COL4A2: variants seen among roughly 807,000 people sequenced by gnomAD.
COL4A2 encodes the protein collagen type IV alpha 2 chain, also known as collagen alpha-2(IV) chain.
A neutral mutation model predicts 200.2 loss-of-function variants in COL4A2; 99 were observed. The observed-to-expected ratio is 0.49, with a 90% CI of 0.42 to 0.58. COL4A2 has a LOEUF of 0.58. Among genes scored for constraint, COL4A2 ranks in the 20% least tolerant of loss-of-function variants. COL4A2 has a pLI of 0.00. For synonymous variants in COL4A2, 897 were observed against 900.6 expected, an observed-to-expected ratio of 1.00 and a Z score of 0.07; for missense variants, 1,950 against 2,314.1, an observed-to-expected ratio of 0.84 and a Z score of 3.23.
chr13:110,365,195 G>T (rs886914953), intron 4 of COL4A2, among the ~76,000 whole-genome samples: 3 of 151,782 alleles, frequency 2.0e-5, no homozygotes, highest in Non-Finnish European at 4.4e-5. Context: ...GGGCTGGACC[G>T]CAGTGGCGCC....
At chr13:110,429,061 C>T (rs118068839) in intron 7 of COL4A2, 2,722 of 152,874 alleles carry the variant, frequency 0.018, 40 homozygotes, top group Non-Finnish European at 0.025. Flanking sequence ...GGTAAAACAT[C>T]CTGAAATGTG....
Position 110,508,724 on chromosome 13 carries a change from C to T in COL4A2, c.4881+503C>T, listed in dbSNP as rs558225004. ...GTATAAAATAGAGAGCCTGTGGATA[C>T]TTTGAAAGCCAGGAGAAGGTGCACA... On this transcript the variant is annotated intron_variant, in intron 47 of 47. Transcript: ENST00000360467. The surrounding 1 kb of genome is among the most constrained non-coding windows in gnomAD (Gnocchi z 6.1). Among the ~76,000 whole-genome samples the T allele has an allele frequency of 5.0e-4, 76 of 152,274 alleles. No homozygotes were observed. The highest frequency in any genetic ancestry group is 1.8e-3 in the African/African-American group (74 of 41,540).
intron 17 of COL4A2, among the ~76,000 whole-genome samples, chr13:110,446,299 A>T (rs1198235946): frequency 6.6e-6 from 1 of 152,094 alleles, no homozygotes; most frequent in South Asian, 2.1e-4. Flanking sequence ...AGGGGAACGC[A>T]CCCGTGGGGA....
intron 22 of COL4A2, among the ~76,000 whole-genome samples, chr13:110,461,831 G>A (rs1291514705): frequency 2.0e-5 from 3 of 152,158 alleles, no homozygotes; most frequent in African/African-American, 4.8e-5. Flanking sequence ...CACCGCGCCC[G>A]GCCACATTGT....
intron 3 of COL4A2, among the ~76,000 whole-genome samples, chr13:110,337,775 C>G (rs1472477114): frequency 1.3e-5 from 2 of 152,226 alleles, no homozygotes; most frequent in Non-Finnish European, 2.9e-5. Flanking sequence ...CTGTGTGTGT[C>G]TGTGTCCCCA....
rs372917662 is a variant in COL4A2 at position 110,438,003 on chromosome 13, G to T, written c.827G>T (p.Gly276Val). Residue 276 changes from glycine (G) to valine (V), a missense_variant and splice_region_variant, in exon 14 of 48, where the codon GGT becomes GTT. Coordinates refer to ENST00000360467, the MANE Select transcript of COL4A2 (RefSeq NM_001846.4). ...GVTFHPDQYK[G>V]EKGSEGEPGI... Reference sequence around the variant, plus strand: ...TCTTATTTTTCATATTCTTCACAGGGTGAAAAAGGCAGTGAGGGGGAACCA... The same window carrying T: ...TCTTATTTTTCATATTCTTCACAGGTTGAAAAAGGCAGTGAGGGGGAACCA... The T allele has an allele frequency of 4.3e-6, 7 of 1,612,364 alleles. No individual in the cohort carries two copies. The highest frequency in any genetic ancestry group is 5.1e-6 in the Non-Finnish European group (6 of 1,178,772).
chr13:110,484,018 AT>A (rs1338929893), intron 32 of COL4A2, among the ~76,000 whole-genome samples: 2 of 148,796 alleles, frequency 1.3e-5, no homozygotes, highest in African/African-American at 5.2e-5. Context: ...TAGGGTGCTC[AT>A]TTTTTTTAAG....
intron 3 of COL4A2, among the ~76,000 whole-genome samples, chr13:110,349,342 G>A (rs1029850224): frequency 6.6e-6 from 1 of 152,162 alleles, no homozygotes; most frequent in African/African-American, 2.4e-5. Flanking sequence ...TTTCCCCGGT[G>A]GCAAAGGAGG....
At chr13:110,424,012 G>A (rs958851190) in intron 4 of COL4A2, among the ~76,000 whole-genome samples, 16 of 152,152 alleles carry the variant, frequency 1.1e-4, no homozygotes, top group African/African-American at 3.9e-4. Flanking sequence ...GTGCGTGTAA[G>A]TGTACCAAAG....
At chr13:110,385,434 CCTGGATAGACCGTGGCTGCAGT>C (rs1566504847) in intron 4 of COL4A2, among the ~76,000 whole-genome samples, 11 of 43,274 alleles carry the variant, frequency 2.5e-4, no homozygotes, top group East Asian at 1.8e-3. Flanking sequence ...GGTTACAGTG[CCTGGATAGACCGTGGCTGCAGT>C]GTGTGGATAG....
At chr13:110,324,108 G>T (rs1264212158) in intron 3 of COL4A2, among the ~76,000 whole-genome samples, 5 of 149,282 alleles carry the variant, frequency 3.3e-5, no homozygotes, top group East Asian at 2.0e-4. Context: ...TAATAGCATG[G>T]TTTTTTTTTT....
At chr13:110,323,250 A>G (rs1288144772) in intron 3 of COL4A2, among the ~76,000 whole-genome samples, 4 of 152,204 alleles carry the variant, frequency 2.6e-5, no homozygotes, top group Admixed American at 2.6e-4. Context: ...ATGACTGGAC[A>G]TCAGAGGCCC....
At chr13:110,338,672 C>G (rs1367495594) in intron 3 of COL4A2, among the ~76,000 whole-genome samples, 1 of 152,214 alleles carries the variant, frequency 6.6e-6, no homozygotes, top group East Asian at 1.9e-4. Context: ...ATCTCTGCAG[C>G]TGGGAAAAGG....
chr13:110,343,349 G>C (rs1003545240), intron 3 of COL4A2, among the ~76,000 whole-genome samples: 2 of 152,126 alleles, frequency 1.3e-5, no homozygotes, highest in African/African-American at 4.8e-5. Flanking sequence ...ACTTAGAGCA[G>C]ATTTTATGCA....
chr13:110,321,219 TATATATACACACAC>T (rs1885270040), intron 3 of COL4A2, among the ~76,000 whole-genome samples: 5 of 143,994 alleles, frequency 3.5e-5, no homozygotes, highest in Non-Finnish European at 7.4e-5. Context: ...TATATATATA[TATATATACACACAC>T]ACACACACAT....
At chr13:110,335,422 T>A (rs1159440788) in intron 3 of COL4A2, among the ~76,000 whole-genome samples, 1 of 152,156 alleles carries the variant, frequency 6.6e-6, no homozygotes, top group African/African-American at 2.4e-5. Context: ...TCTGATGGTT[T>A]AATAAGGGGA....
intron 4 of COL4A2, among the ~76,000 whole-genome samples, chr13:110,383,901 T>C (rs1878587554): frequency 6.6e-6 from 1 of 152,102 alleles, no homozygotes; most frequent in African/African-American, 2.4e-5. Context: ...CATGAGCCAC[T>C]GCGCCTGGCT....
intron 41 of COL4A2, among the ~76,000 whole-genome samples, 182 bp downstream of exon 41, chr13:110,501,966 G>A (rs1329691253): frequency 6.6e-6 from 1 of 152,326 alleles, no homozygotes. Context: ...CCTGGTCCCT[G>A]GGAAGCTGAG....
chr13:110,511,321 A>T (rs1884074693), intron 47 of COL4A2, among the ~76,000 whole-genome samples: 2 of 152,142 alleles, frequency 1.3e-5, no homozygotes, highest in African/African-American at 4.8e-5. Context: ...TGATTGAAAA[A>T]ATATATATTT....
Sources: gnomAD v4.1 joint callset for allele counts (sites outside exome capture counted in the v4.1 genomes callset) on GRCh38, gnomAD v4.1.1 for gene constraint, Gnocchi (gnomAD v3.1) non-coding constraint, MANE v1.5 for transcripts, NCBI Gene and HGNC (gene_info 2026-07-23, HGNC 2026-07-21) for gene names.